Variants in ADAMTS5 observed in about 807,000 individuals in gnomAD.
ADAMTS5 encodes the protein A disintegrin and metalloproteinase with thrombospondin motifs 5.
In ADAMTS5, 54 loss-of-function variants were observed where a neutral mutation model predicts 81.4. The ratio of observed to expected loss-of-function variants is 0.66; its 90% CI spans 0.53 to 0.83. The LOEUF is 0.83. ADAMTS5 is among the 40% of genes least tolerant of loss of function. The pLI, the probability that ADAMTS5 is intolerant of heterozygous loss-of-function variation, is 0.00. For missense variants in ADAMTS5, 1,194 were observed against 1,229.9 expected (o/e 0.97, Z 0.44); for synonymous variants, 532 against 508.8 (o/e 1.05, Z -0.61).
At chr21:26,948,076 C>T (rs1987249390) in intron 2 of ADAMTS5, among the ~76,000 whole-genome samples, 1 of 152,080 alleles carries the variant, frequency 6.6e-6, no homozygotes, top group African/African-American at 2.4e-5. Context: ...CTTTGATATT[C>T]CCAATACAGA....
rs2123200439 is a variant in ADAMTS5, at chr21:26,954,790, C to T, written c.1186G>A (p.Val396Met). Residue 396 changes from valine (V) to methionine (M), a missense_variant, in exon 2 of 8, where the codon GTG (valine) becomes ATG (methionine). Val to Met is a conservative substitution (Grantham distance 21). Around this residue, in one of 2 missense-constraint regions of ADAMTS5, gnomAD observed 696 missense variants for 817.6 expected, o/e 0.85. Transcript: ENST00000284987. ...GCGTGGAGGCCATCGTCTTCAATCA[C>T]AGCACAGCTGCGCTCTGGAGAACAT... is the stretch of plus-strand genomic sequence containing the variant. ...TICSPERSCA[V>M]IEDDGLHAAF... 1 of 1,614,126 alleles carries T rather than the reference C, an allele frequency of 6.2e-7. No homozygotes were observed. The highest frequency in any genetic ancestry group is 1.1e-5 in the South Asian group (1 of 91,082).
chr21:26,945,445 T>C (rs941448034), intron 2 of ADAMTS5, among the ~76,000 whole-genome samples: 1 of 152,216 alleles, frequency 6.6e-6, no homozygotes, highest in Non-Finnish European at 1.5e-5. Context: ...TATATTTATT[T>C]AATGAAGTAA....
chr21:26,929,981 G>A lies in ADAMTS5; in HGVS notation c.2130C>T (p.Gly710=). The part of the protein sequence containing the change: ...RGKCVRTGCD[G]IIGSKLQYDK... ...CATACTGCAGCTTTGAGCCAATGAT[G>A]CCGTCACAGCCAGTTCTCACACACT... Residue 710 remains glycine (G), a synonymous_variant, in exon 7 of 8, where the codon GGC becomes GGT. Transcript: ENST00000284987. 3 of 1,614,110 alleles carry A rather than the reference G, an allele frequency of 1.9e-6. No individual in the cohort carries two copies. The highest frequency in any genetic ancestry group is 3.3e-5 in the Admixed American group (2 of 60,012).
At position 26,966,642 on chromosome 21, in the gene ADAMTS5, G is replaced by GC. The variant is rs1233161317; in HGVS notation, c.-252_-251insG. ...CCAGAAAGAGGTGGGGTGGGGGGGGGGGGAAAGAAAAGATTAAAAAAAAAA... is the reference window on the plus strand; with the variant it reads ...CCAGAAAGAGGTGGGGTGGGGGGGGGCGGGAAAGAAAAGATTAAAAAAAAAA... On this transcript the variant is annotated 5_prime_UTR_variant, in exon 1 of 8. Transcript: ENST00000284987. 6 of 110,916 alleles carry GC rather than the reference G, an allele frequency of 5.4e-5. No individual in the cohort carries two copies. The allele number at this position is 110,916 out of a possible 1,614,324, so 6.9% of individuals were successfully genotyped here. A position where few individuals can be genotyped will look rare whatever the true frequency, so the allele number is the denominator to read the frequency against.
In ADAMTS5 at chr21:26,966,121, C is replaced by A. The variant is rs764343373; in HGVS notation, c.271G>T (p.Val91Phe). ...YSGGGKVGYL[V>F]YAGGRRFLLD... ...AGGAACCTCCGGCCGCCCGCGTAGA[C>A]GAGGTAGCCCACCTTGCCGCCGCCG... The change falls in exon 1 of 8, where the codon GTC (valine) becomes TTC (phenylalanine). Residue 91 changes from valine (V) to phenylalanine (F), a missense_variant. Physicochemically the swap from Val to Phe is conservative, Grantham distance 50. Transcript: ENST00000284987. 6.2e-7 allele frequency: 1 copy of A among 1,612,642 alleles called. No individual in the cohort carries two copies. Among genetic ancestry groups the A allele is most frequent in the African/African-American group, 1.3e-5 (1 of 75,046 alleles).
At chr21:26,944,053 G>A (rs909055832) in intron 2 of ADAMTS5, among the ~76,000 whole-genome samples, 1 of 152,134 alleles carries the variant, frequency 6.6e-6, no homozygotes, top group South Asian at 2.1e-4. Flanking sequence ...TATTTTCTTA[G>A]TCAAGTAAAT....
At chr21:26,932,292 CCA>C in intron 5 of ADAMTS5, 113 bp from the exon 6 acceptor site, 3 of 1,133,062 alleles carry the variant, frequency 2.6e-6, no homozygotes, top group South Asian at 1.7e-5. Flanking sequence ...TTTTTTTATC[CCA>C]CAGTCTCTTT....
intron 2 of ADAMTS5, among the ~76,000 whole-genome samples, chr21:26,944,246 T>C (rs1987171860): frequency 6.6e-6 from 1 of 152,188 alleles, no homozygotes; most frequent in Admixed American, 6.5e-5. Flanking sequence ...CCCATTTACA[T>C]TTTAAAATGT....
intron 2 of ADAMTS5, among the ~76,000 whole-genome samples, chr21:26,948,140 T>C (rs1225297811): frequency 6.6e-6 from 1 of 152,190 alleles, no homozygotes; most frequent in African/African-American, 2.4e-5. Flanking sequence ...TGTTAGAAAA[T>C]CTGTGATAAT....
intron 7 of ADAMTS5, among the ~76,000 whole-genome samples, chr21:26,926,334 T>C (rs1165995791): frequency 6.6e-6 from 1 of 152,248 alleles, no homozygotes; most frequent in Non-Finnish European, 1.5e-5. Context: ...TGACAGTATT[T>C]GAACAAGTTC....
intron 2 of ADAMTS5, among the ~76,000 whole-genome samples, chr21:26,944,767 A>G (rs1357856454): frequency 6.6e-6 from 1 of 152,150 alleles, no homozygotes; most frequent in Non-Finnish European, 1.5e-5. Flanking sequence ...AATAAAACCC[A>G]ACAGAGATGA....
chr21:26,928,290 T>C (rs1267636772), intron 7 of ADAMTS5, among the ~76,000 whole-genome samples: 2 of 152,168 alleles, frequency 1.3e-5, no homozygotes, highest in African/African-American at 2.4e-5. Flanking sequence ...TAAATTACTA[T>C]GGCCTCCCTA....
At position 26,924,150 on chromosome 21, in the gene ADAMTS5, G is replaced by C. The variant is rs368781824; in HGVS notation, c.2696C>G (p.Thr899Arg). The C allele has an allele frequency of 7.4e-6, 12 of 1,614,002 alleles. No homozygotes were observed. ...CCGGTTTCCATCCTGGCACTGCACC[G>C]TTCTGGTGTGCCAACCTGTGTCACA... ...RTCDTGWHTR[T>R]VQCQDGNRKL... The change falls in exon 8 of 8, where the codon ACG becomes AGG. Residue 899 changes from threonine to arginine, a missense_variant. Transcript: ENST00000284987.
intron 7 of ADAMTS5, among the ~76,000 whole-genome samples, chr21:26,927,570 C>A (rs1308133617): frequency 1.3e-5 from 2 of 152,098 alleles, no homozygotes; most frequent in Non-Finnish European, 2.9e-5. Context: ...GAGAAAGGGA[C>A]AGTGTAGAAA....
intron 1 of ADAMTS5, 40 bp downstream of exon 1, chr21:26,965,248 G>A: frequency 3.2e-6 from 5 of 1,570,836 alleles, no homozygotes; most frequent in Non-Finnish European, 4.3e-6. Context: ...CCTACCTCCT[G>A]ATATCAGCGC....
chr21:26,937,161 T>G (rs1987030244), intron 3 of ADAMTS5, among the ~76,000 whole-genome samples: 1 of 151,538 alleles, frequency 6.6e-6, no homozygotes, highest in Admixed American at 6.6e-5. Context: ...TGACACCTGT[T>G]CTACCTCACT....
rs770133581 is a variant in ADAMTS5 at position 26,929,973 on chromosome 21, C to T, written c.2138G>A (p.Gly713Asp). Residue 713 changes from glycine to aspartate, a missense_variant, in exon 7 of 8, where the codon GGC (glycine) becomes GAC (aspartate). By Grantham distance (94) the Gly-to-Asp change is moderately conservative. Around this residue, in one of 2 missense-constraint regions of ADAMTS5, gnomAD observed 696 missense variants for 817.6 expected, o/e 0.85. Transcript: ENST00000284987. ...GCACTTGTCATACTGCAGCTTTGAG[C>T]CAATGATGCCGTCACAGCCAGTTCT... ...CVRTGCDGII[G>D]SKLQYDKCGV... 2 of 1,614,098 alleles carry T rather than the reference C, an allele frequency of 1.2e-6. No homozygotes were observed. The highest frequency in any genetic ancestry group is 8.5e-7 in the Non-Finnish European group (1 of 1,179,974).
intron 1 of ADAMTS5, 80 bp from the exon 2 acceptor site, chr21:26,954,951 C>T: frequency 1.3e-6 from 2 of 1,524,404 alleles, no homozygotes; most frequent in Non-Finnish European, 1.8e-6. Context: ...TTGCTTACCC[C>T]AAATGGCAAC....
rs1291833162 is a variant in ADAMTS5 at position 26,924,634 on chromosome 21, T to G, written c.2226-14A>C. The G allele has an allele frequency of 1.3e-6, 2 of 1,581,616 alleles. No homozygotes were observed. The highest frequency in any genetic ancestry group is 1.4e-5 in the African/African-American group (1 of 73,640). On this transcript the variant is annotated splice_polypyrimidine_tract_variant and intron_variant, in intron 7 of 7. Coordinates refer to ENST00000284987, the MANE Select transcript of ADAMTS5 (RefSeq NM_007038.5). ...GTGTAACCCTTACTGGAAGTAGGAA[T>G]GTTCACAGGAAGTGGGGGAAGGTGG...
Sources: gnomAD v4.1 joint callset for allele counts (sites outside exome capture counted in the v4.1 genomes callset) on GRCh38, gnomAD v4.1.1 for gene constraint, gnomAD v4.1.1 regional missense constraint, MANE v1.5 for transcripts, NCBI Gene and HGNC (gene_info 2026-07-23, HGNC 2026-07-21) for gene names.